MACROD2: variants seen among roughly 807,000 people sequenced by gnomAD.
MACROD2 encodes the protein mono-ADP ribosylhydrolase 2, also known as ADP-ribose glycohydrolase MACROD2.
A neutral mutation model predicts 70.4 loss-of-function variants in MACROD2; 36 were observed. The ratio of observed to expected loss-of-function variants is 0.51; its 90% confidence interval spans 0.39 to 0.68. MACROD2 has a LOEUF of 0.68. MACROD2 is among the 30% of genes least tolerant of loss of function. The pLI, the probability that MACROD2 is intolerant of heterozygous loss-of-function variation, is 0.00. For missense variants in MACROD2, 496 were observed against 538.4 expected (o/e 0.92, Z 0.78); for synonymous variants, 172 against 178.8 (o/e 0.96, Z 0.30).
At chr20:15,439,704 G>C (rs2046471358) in intron 7 of MACROD2, among the ~76,000 whole-genome samples, 1 of 152,174 alleles carries the variant, frequency 6.6e-6, no homozygotes. Context: ...CCCTGGAAGA[G>C]GCCAGACTTT....
At chr20:15,247,811 C>T (rs974309633) in intron 6 of MACROD2, among the ~76,000 whole-genome samples, 24 of 152,184 alleles carry the variant, frequency 1.6e-4, no homozygotes, top group African/African-American at 5.8e-4. Context: ...GATTCTTGTG[C>T]CTCAGCCTCC....
chr20:14,795,657 C>T (rs2072501264), intron 5 of MACROD2, among the ~76,000 whole-genome samples: 2 of 152,080 alleles, frequency 1.3e-5, no homozygotes, highest in Admixed American at 6.6e-5. Context: ...GAAATTACAG[C>T]AGGAGGCAAG....
chr20:14,248,570 G>A (rs1242577332), intron 3 of MACROD2, among the ~76,000 whole-genome samples: 2 of 152,036 alleles, frequency 1.3e-5, no homozygotes, highest in Non-Finnish European at 2.9e-5. Context: ...GTGACAGAGC[G>A]AGACTCTGTC....
Position 15,321,791 on chromosome 20 carries a change from TTTG to T in MACROD2, c.540+91742_540+91744del, listed in dbSNP as rs766123356. ...TGGTGATATTAAAAGATATCCATTT[TTTG>T]TTGTTGTTGTTTTTTTGAGACAGAG... On this transcript the variant is annotated intron_variant, in intron 6 of 17. Coordinates refer to ENST00000684519, the MANE Select transcript of MACROD2 (RefSeq NM_001351661.2). Among the ~76,000 whole-genome samples the T allele has an allele frequency of 2.8e-5, 4 of 144,066 alleles. 1 individual carries two copies. Among genetic ancestry groups the T allele is most frequent in the Admixed American group, 7.0e-5 (1 of 14,318 alleles). 94.5% of individuals were successfully genotyped at this position (144,066 alleles called of 152,430 possible). A position where few individuals can be genotyped will look rare whatever the true frequency, so the allele number is the denominator to read the frequency against.
At chr20:15,524,440 T>G (rs909978616) in intron 8 of MACROD2, among the ~76,000 whole-genome samples, 39 of 152,284 alleles carry the variant, frequency 2.6e-4, no homozygotes, top group African/African-American at 7.7e-4. Context: ...GCATTGAGAT[T>G]AAAAAATTTT....
chr20:15,885,347 A>G (rs1480606437), intron 9 of MACROD2, among the ~76,000 whole-genome samples: 1 of 152,116 alleles, frequency 6.6e-6, no homozygotes, highest in Non-Finnish European at 1.5e-5. Context: ...GTGTCGGTCT[A>G]TGACCAAATA....
At chr20:14,938,389 C>A (rs1428833583) in intron 5 of MACROD2, among the ~76,000 whole-genome samples, 1 of 152,050 alleles carries the variant, frequency 6.6e-6, no homozygotes, top group Non-Finnish European at 1.5e-5. Context: ...GCCATTTTAA[C>A]TGGGGTGAGA....
chr20:15,112,237 G>C (rs142391651), intron 5 of MACROD2, among the ~76,000 whole-genome samples: 11 of 152,232 alleles, frequency 7.2e-5, no homozygotes, highest in African/African-American at 2.6e-4. Flanking sequence ...ATGTTAAGAG[G>C]GTTCAGAAGT....
chr20:15,519,150 G>A lies in MACROD2; in HGVS notation c.645+19303G>A, dbSNP rs901229648. Among the ~76,000 whole-genome samples the A allele has an allele frequency of 1.4e-4, 20 of 140,720 alleles. No individual in the cohort carries two copies. In the East Asian group the frequency reaches 2.1e-3, roughly 15 times the overall value. 92.3% of individuals were successfully genotyped at this position (140,720 alleles called of 152,430 possible). ...TTCTTTCTTTTTCTCTTGCTCTGTCGCCCAGGCTGGAGTGCAGTGGCACGA... is the reference window on the plus strand; with the variant it reads ...TTCTTTCTTTTTCTCTTGCTCTGTCACCCAGGCTGGAGTGCAGTGGCACGA... On this transcript the variant is annotated intron_variant, in intron 8 of 17. Coordinates refer to ENST00000684519, the MANE Select transcript of MACROD2 (RefSeq NM_001351661.2).
intron 3 of MACROD2, among the ~76,000 whole-genome samples, chr20:14,186,624 C>T (rs2081346362): frequency 6.6e-6 from 1 of 152,118 alleles, no homozygotes; most frequent in African/African-American, 2.4e-5. Flanking sequence ...CTAAATCATT[C>T]TGCCAAAAAA....
intron 5 of MACROD2, among the ~76,000 whole-genome samples, chr20:14,821,589 C>A (rs373992257): frequency 1.3e-5 from 2 of 152,094 alleles, no homozygotes; most frequent in Admixed American, 6.6e-5. Context: ...CTTTCGTAAG[C>A]AAACAGCCTC....
At chr20:14,271,477 A>C (rs1164621327) in intron 3 of MACROD2, among the ~76,000 whole-genome samples, 3 of 152,204 alleles carry the variant, frequency 2.0e-5, no homozygotes, top group African/African-American at 7.2e-5. Context: ...GGACATCCAC[A>C]CCAAAAACCC....
intron 3 of MACROD2, among the ~76,000 whole-genome samples, chr20:14,296,396 C>G (rs1198501033): frequency 6.6e-6 from 1 of 151,806 alleles, no homozygotes. Context: ...TTAAAACTAC[C>G]CAAGTGTCCA....
chr20:14,497,054 C>A (rs1398057080), intron 4 of MACROD2, among the ~76,000 whole-genome samples: 2 of 151,668 alleles, frequency 1.3e-5, no homozygotes, highest in African/African-American at 2.4e-5. Flanking sequence ...TTTTAACATG[C>A]CTCTGCTCTC....
chr20:14,872,473 A>C (rs769832427), intron 5 of MACROD2, among the ~76,000 whole-genome samples: 3 of 152,130 alleles, frequency 2.0e-5, no homozygotes, highest in Non-Finnish European at 4.4e-5. Flanking sequence ...ACAGGGATCC[A>C]GGTTGCCCTT....
chr20:15,703,230 G>A (rs1415922747), intron 8 of MACROD2, among the ~76,000 whole-genome samples: 1 of 152,190 alleles, frequency 6.6e-6, no homozygotes, highest in Non-Finnish European at 1.5e-5. Context: ...ACAGAATAAA[G>A]ATCTGTTCTA....
chr20:15,241,862 T>A (rs183306318), intron 6 of MACROD2, among the ~76,000 whole-genome samples: 264 of 151,930 alleles, frequency 1.7e-3, no homozygotes, highest in South Asian at 0.017. Flanking sequence ...CTCATAGAAA[T>A]TGTGGTCAGA....
intron 6 of MACROD2, among the ~76,000 whole-genome samples, chr20:15,257,697 A>G (rs1222082270): frequency 6.6e-6 from 1 of 152,104 alleles, no homozygotes; most frequent in Non-Finnish European, 1.5e-5. Context: ...ATTTATGTAC[A>G]GCACATATAT....
At chr20:15,649,102 C>G (rs1416437434) in intron 8 of MACROD2, among the ~76,000 whole-genome samples, 1 of 107,108 alleles carries the variant, frequency 9.3e-6, no homozygotes, top group Non-Finnish European at 1.9e-5. Context: ...CCTCCCCTCC[C>G]CTCCCCTTCC....
Sources: gnomAD v4.1 joint callset for allele counts (sites outside exome capture counted in the v4.1 genomes callset) on GRCh38, gnomAD v4.1.1 for gene constraint, MANE v1.5 for transcripts, NCBI Gene and HGNC (gene_info 2026-07-23, HGNC 2026-07-21) for gene names.